Variants in CPLX3 observed in about 807,000 individuals in gnomAD.
CPLX3 encodes complexin-3.
CPLX3 carries 12 observed loss-of-function variants against 17.2 expected under a neutral mutation model. The observed-to-expected ratio is 0.70, with a 90% confidence interval of 0.45 to 1.13. The LOEUF is 1.13. CPLX3 is among the 50% of genes most tolerant of loss of function. The probability of loss-of-function intolerance (pLI) is 0.00; values close to 1 mark genes in which losing one functional copy is unlikely to be tolerated. For synonymous variants in CPLX3, 75 were observed against 79.4 expected (o/e 0.94, Z 0.29); for missense variants, 172 against 203.2 (o/e 0.85, Z 0.93).
Position 74,826,914 on chromosome 15 carries a change from C to T in CPLX3, c.164+47C>T, listed in dbSNP as rs1330694749. ...CTCCAACGACCTCCCCTCCCCACCC[C>T]CACAGCTGCTCAGTCCATCCCCGGG... On this transcript the variant is annotated intron_variant, in intron 1 of 2. Coordinates refer to ENST00000395018, the MANE Select transcript of CPLX3 (RefSeq NM_001030005.3). This position sits in a 1 kb window ranked among gnomAD's most constrained non-coding sequence, Gnocchi z 5.0. The T allele has an allele frequency of 1.9e-6, 3 of 1,544,788 alleles. No individual in the cohort carries two copies. Among genetic ancestry groups the T allele is most frequent in the Admixed American group, 3.7e-5 (2 of 54,530 alleles).
intron 1 of CPLX3, among the ~76,000 whole-genome samples, chr15:74,827,321 G>A (rs1278078609): frequency 2.0e-5 from 3 of 152,226 alleles, no homozygotes; most frequent in Non-Finnish European, 2.9e-5. Flanking sequence ...TGCCCGCAGT[G>A]CTGGGACAGA....
chr15:74,830,345 C>A lies in CPLX3; in HGVS notation c.468C>A (p.His156Gln). The part of the protein sequence containing the change: ...GDLKQSAEKC[H>Q]VM ...TCAAGCAATCAGCTGAGAAGTGTCA[C>A]GTCATGTGACCACTTCCCCGGGGTT... The change falls in exon 3 of 3, where the codon CAC (histidine) becomes CAA (glutamine). Residue 156 changes from histidine (H) to glutamine (Q), a missense_variant. By Grantham distance (24) the His-to-Gln change is conservative. Coordinates refer to ENST00000395018, the MANE Select transcript of CPLX3 (RefSeq NM_001030005.3). 6.2e-7 allele frequency: 1 copy of A among 1,612,662 alleles called. No individual in the cohort carries two copies. The highest frequency in any genetic ancestry group is 1.3e-5 in the African/African-American group (1 of 75,034).
chr15:74,828,627 C>T (rs538231452), intron 2 of CPLX3, among the ~76,000 whole-genome samples: 13 of 152,240 alleles, frequency 8.5e-5, no homozygotes, highest in South Asian at 2.1e-4. Flanking sequence ...TCACCCACAG[C>T]GACAAAAGAT....
Position 74,830,347 on chromosome 15 carries a change from T to C in CPLX3, c.470T>C (p.Val157Ala). ...AAGCAATCAGCTGAGAAGTGTCACGTCATGTGACCACTTCCCCGGGGTTAC... is the reference window on the plus strand; with the variant it reads ...AAGCAATCAGCTGAGAAGTGTCACGCCATGTGACCACTTCCCCGGGGTTAC... ...DLKQSAEKCH[V>A]M is the part of the protein sequence containing the mutation. Residue 157 changes from valine (V) to alanine (A), a missense_variant, in exon 3 of 3, where the codon GTC becomes GCC. By Grantham distance (64) the Val-to-Ala change is moderately conservative (BLOSUM62 0). Transcript: ENST00000395018. The C allele has an allele frequency of 6.2e-7, 1 of 1,612,448 alleles. No homozygotes were observed. The highest frequency in any genetic ancestry group is 8.5e-7 in the Non-Finnish European group (1 of 1,179,512).
At position 74,826,879 on chromosome 15, in the gene CPLX3, C is replaced by T. The variant is rs2063945808; in HGVS notation, c.164+12C>T. 6.3e-7 allele frequency: 1 copy of T among 1,595,600 alleles called. No individual in the cohort carries two copies. Among genetic ancestry groups the T allele is most frequent in the Non-Finnish European group, 8.5e-7 (1 of 1,171,214 alleles). Reference sequence around the variant, plus strand: ...CTCGTGGAAGAGAAGTGAGTGGGATCCCTTCCTGGCTCCAACGACCTCCCC... The same window carrying T: ...CTCGTGGAAGAGAAGTGAGTGGGATTCCTTCCTGGCTCCAACGACCTCCCC... On this transcript the variant is annotated intron_variant, in intron 1 of 2. Coordinates refer to ENST00000395018, the MANE Select transcript of CPLX3 (RefSeq NM_001030005.3). This position sits in a 1 kb window ranked among gnomAD's most constrained non-coding sequence, Gnocchi z 5.0.
Position 74,826,689 on chromosome 15 carries a change from C to T in CPLX3, c.-15C>T, listed in dbSNP as rs1349850298. The stretch of plus-strand genomic sequence containing the variant: ...GCGTGGTAGCAGGCGCCCGGTGCCC[C>T]GGCCGGCGAAGACCATGGCGTTCAT... On this transcript the variant is annotated 5_prime_UTR_variant, in exon 1 of 3. Transcript: ENST00000395018. The surrounding 1 kb of genome is among the most constrained non-coding windows in gnomAD (Gnocchi z 5.0). 7 of 1,598,118 alleles carry T rather than the reference C, an allele frequency of 4.4e-6. No individual in the cohort carries two copies. The highest frequency in any genetic ancestry group is 6.0e-6 in the Non-Finnish European group (7 of 1,173,440).
rs1344663394 is a variant in CPLX3, at chr15:74,827,973, C to T, written c.165-61C>T. ...TCAGAGACCCCTTCTGTCCCTCCCT[C>T]GAAGACCTCAACCCCCTTCTCTCAG... On this transcript the variant is annotated intron_variant, in intron 1 of 2. Coordinates refer to ENST00000395018, the MANE Select transcript of CPLX3 (RefSeq NM_001030005.3). 2.4e-5 allele frequency: 34 copies of T among 1,392,788 alleles called. No individual in the cohort carries two copies. The East Asian group carries it at 5.0e-4, about 20-fold the overall frequency. 86.3% of individuals were successfully genotyped at this position (1,392,788 alleles called of 1,614,324 possible).
chr15:74,828,886 C>T (rs935878020), intron 2 of CPLX3, among the ~76,000 whole-genome samples: 10 of 152,224 alleles, frequency 6.6e-5, no homozygotes, highest in South Asian at 4.2e-4. Context: ...ACCAGATGGG[C>T]GTGTAAGTGT....
chr15:74,830,392 T>C lies in CPLX3; in HGVS notation c.*38T>C, dbSNP rs766880854. On this transcript the variant is annotated 3_prime_UTR_variant, in exon 3 of 3. Transcript: ENST00000395018. ...GGTTACCCACTGGGCTGGGCCCCCA[T>C]GAGGGCTAAGAGTGTGTCAACTTCC... is the stretch of plus-strand genomic sequence containing the variant. 6.5e-7 allele frequency: 1 copy of C among 1,548,212 alleles called. No homozygotes were observed. The highest frequency in any genetic ancestry group is 8.8e-7 in the Non-Finnish European group (1 of 1,132,180).
chr15:74,828,031 C>T lies in CPLX3; in HGVS notation c.165-3C>T. The T allele has an allele frequency of 6.2e-7, 1 of 1,603,208 alleles. No individual in the cohort carries two copies. The highest frequency in any genetic ancestry group is 8.5e-7 in the Non-Finnish European group (1 of 1,174,514). ...GGTGACTCTGCCTCCGGTGACCCTG[C>T]AGGATGGAGCGGGATGCACAGTTCA... On this transcript the variant is annotated splice_region_variant and splice_polypyrimidine_tract_variant and intron_variant, in intron 1 of 2. Coordinates refer to ENST00000395018, the MANE Select transcript of CPLX3 (RefSeq NM_001030005.3).
In CPLX3 at chr15:74,826,922, G is replaced by A; in HGVS notation, c.164+55G>A. 2 of 1,504,794 alleles carry A rather than the reference G, an allele frequency of 1.3e-6. No homozygotes were observed. The highest frequency in any genetic ancestry group is 1.8e-6 in the Non-Finnish European group (2 of 1,105,526). 93.2% of individuals were successfully genotyped at this position (1,504,794 alleles called of 1,614,324 possible). On this transcript the variant is annotated intron_variant, in intron 1 of 2. Transcript: ENST00000395018. The surrounding 1 kb of genome is among the most constrained non-coding windows in gnomAD (Gnocchi z 5.0). ...ACCTCCCCTCCCCACCCCCACAGCT[G>A]CTCAGTCCATCCCCGGGCCAGCCTC...
intron 2 of CPLX3, among the ~76,000 whole-genome samples, chr15:74,829,812 C>A (rs115063407): frequency 1.3e-5 from 2 of 152,032 alleles, no homozygotes; most frequent in South Asian, 2.1e-4. Flanking sequence ...AGGCATCAAA[C>A]GCTTGATCCT....
intron 2 of CPLX3, 142 bp from the exon 3 acceptor site, chr15:74,829,988 C>T (rs1190290700): frequency 1.6e-6 from 1 of 641,814 alleles, no homozygotes; most frequent in Non-Finnish European, 2.7e-6. Flanking sequence ...ATAGGGAGAC[C>T]TCGTCTCTAC....
In CPLX3 at chr15:74,826,900, T is replaced by C; in HGVS notation, c.164+33T>C. 1.3e-6 allele frequency: 2 copies of C among 1,574,852 alleles called. No individual in the cohort carries two copies. Among genetic ancestry groups the C allele is most frequent in the Non-Finnish European group, 1.7e-6 (2 of 1,158,550 alleles). ...GGATCCCTTCCTGGCTCCAACGACC[T>C]CCCCTCCCCACCCCCACAGCTGCTC... On this transcript the variant is annotated intron_variant, in intron 1 of 2. Transcript: ENST00000395018. The surrounding 1 kb of genome is among the most constrained non-coding windows in gnomAD (Gnocchi z 5.0).
Position 74,826,939 on chromosome 15 carries a change from G to A in CPLX3, c.164+72G>A. ...CCACAGCTGCTCAGTCCATCCCCGG[G>A]CCAGCCTCAGGTCCCAATCCCTTCT... is the stretch of plus-strand genomic sequence containing the variant. On this transcript the variant is annotated intron_variant, in intron 1 of 2. Transcript: ENST00000395018. The surrounding 1 kb of genome is among the most constrained non-coding windows in gnomAD (Gnocchi z 5.0). The A allele has an allele frequency of 1.4e-6, 2 of 1,396,904 alleles. No homozygotes were observed. Among genetic ancestry groups the A allele is most frequent in the East Asian group, 2.7e-5 (1 of 37,164 alleles). 86.5% of individuals were successfully genotyped at this position (1,396,904 alleles called of 1,614,324 possible).
chr15:74,829,952 A>G (rs1379661891), intron 2 of CPLX3, among the ~76,000 whole-genome samples, 178 bp from the exon 3 acceptor site: 2 of 151,044 alleles, frequency 1.3e-5, no homozygotes, highest in Non-Finnish European at 2.9e-5. Flanking sequence ...ACTTGAGCCC[A>G]GGAGTTTGAG....
chr15:74,828,485 T>C (rs2063953827), intron 2 of CPLX3, among the ~76,000 whole-genome samples: 2 of 152,114 alleles, frequency 1.3e-5, no homozygotes, highest in Non-Finnish European at 2.9e-5. Flanking sequence ...ACTGCAGAGG[T>C]GAGTGTTCTG....
rs548368992 is a variant in CPLX3 at position 74,828,063 on chromosome 15, G to A, written c.194G>A (p.Arg65Lys). The stretch of plus-strand genomic sequence containing the variant: ...GAGCGGGATGCACAGTTCACACAGA[G>A]GAAGGCAGAGCGGGCCACACTGCGG... ...KMERDAQFTQ[R>K]KAERATLRSH... Residue 65 changes from arginine (R) to lysine (K), a missense_variant, in exon 2 of 3, where the codon AGG (arginine) becomes AAG (lysine). Transcript: ENST00000395018. 2 of 1,608,366 alleles carry A rather than the reference G, an allele frequency of 1.2e-6. No homozygotes were observed. Among genetic ancestry groups the A allele is most frequent in the East Asian group, 2.2e-5 (1 of 44,696 alleles).
At position 74,826,790 on chromosome 15, in the gene CPLX3, G is replaced by A. The variant is rs778433435; in HGVS notation, c.87G>A (p.Gly29=). 3.7e-6 allele frequency: 6 copies of A among 1,605,822 alleles called. No individual in the cohort carries two copies. Among genetic ancestry groups the A allele is most frequent in the South Asian group, 3.3e-5 (3 of 90,494 alleles). ...SLGGGEDKGD[G]DKSAAEAQGM... is the part of the protein sequence containing the mutation. ...GAGGCGGCGAGGATAAGGGAGATGG[G>A]GACAAGTCGGCAGCCGAAGCTCAGG... The change falls in exon 1 of 3, where the codon GGG becomes GGA. Residue 29 remains glycine (G), a synonymous_variant. Coordinates refer to ENST00000395018, the MANE Select transcript of CPLX3 (RefSeq NM_001030005.3). The surrounding 1 kb of genome is among the most constrained non-coding windows in gnomAD (Gnocchi z 5.0).
Sources: allele counts gnomAD v4.1 joint callset (sites outside exome capture counted in the v4.1 genomes callset), GRCh38; gene constraint gnomAD v4.1.1; non-coding constraint Gnocchi (gnomAD v3.1); transcripts MANE v1.5; gene names NCBI Gene and HGNC (gene_info 2026-07-23, HGNC 2026-07-21).